The following MOG variants were observed in gnomAD, a reference collection of about 807,000 sequenced individuals.
MOG encodes myelin oligodendrocyte glycoprotein.
MOG carries 20 observed loss-of-function variants against 35.9 expected under a neutral mutation model. The ratio of observed to expected loss-of-function variants is 0.56; its 90% CI spans 0.39 to 0.81. The LOEUF is 0.81. Ranked by LOEUF, MOG falls within the 30% of genes least tolerant of loss-of-function variation. The pLI is 0.00. For synonymous variants in MOG, 92 were observed against 114.3 expected, an observed-to-expected ratio of 0.80 and a Z score of 1.25; for missense variants, 251 against 301.0, an observed-to-expected ratio of 0.83 and a Z score of 1.23.
At chr6:29,667,019 C>G (rs1338496494) in intron 3 of MOG, among the ~76,000 whole-genome samples, 1 of 152,234 alleles carries the variant, frequency 6.6e-6, no homozygotes, top group Non-Finnish European at 1.5e-5. Context: ...TGCTTGTTTA[C>G]TTCTTCCACA....
chr6:29,669,031 G>A (rs1481743984), intron 5 of MOG, among the ~76,000 whole-genome samples: 5 of 151,312 alleles, frequency 3.3e-5, no homozygotes, highest in East Asian at 1.9e-4. Flanking sequence ...GGGTTCAAGC[G>A]ATTCTCAGCC....
Position 29,670,625 on chromosome 6 carries a change from A to G in MOG, c.710-76A>G. On this transcript the variant is annotated intron_variant, in intron 6 of 7. Coordinates refer to ENST00000376917, the MANE Select transcript of MOG (RefSeq NM_206809.4). This position sits in a 1 kb window ranked among gnomAD's most constrained non-coding sequence, Gnocchi z 4.2. ...GGAAAGGGCAGTGTGGGTCACTCCAAATGTCCATAGGGAGGATGTGGGGAA... is the reference window on the plus strand; with the variant it reads ...GGAAAGGGCAGTGTGGGTCACTCCAGATGTCCATAGGGAGGATGTGGGGAA... 1.3e-6 allele frequency: 2 copies of G among 1,596,090 alleles called. No homozygotes were observed. The highest frequency in any genetic ancestry group is 1.7e-6 in the Non-Finnish European group (2 of 1,171,050).
At position 29,670,519 on chromosome 6, in the gene MOG, C is replaced by G; in HGVS notation, c.709+122C>G. The G allele has an allele frequency of 6.7e-7, 1 of 1,487,252 alleles. No individual in the cohort carries two copies. Among genetic ancestry groups the G allele is most frequent in the Non-Finnish European group, 9.3e-7 (1 of 1,070,752 alleles). 92.1% of individuals were successfully genotyped at this position (1,487,252 alleles called of 1,614,324 possible). On this transcript the variant is annotated intron_variant, in intron 6 of 7. Transcript: ENST00000376917. The surrounding 1 kb of genome is among the most constrained non-coding windows in gnomAD (Gnocchi z 4.2). ...TTAGGGGAGCTGGGATTTCCTTATTCCTCTGTCCCCATGCCCAACCCCAGG... is the reference window on the plus strand; with the variant it reads ...TTAGGGGAGCTGGGATTTCCTTATTGCTCTGTCCCCATGCCCAACCCCAGG...
At position 29,662,123 on chromosome 6, in the gene MOG, T is replaced by C; in HGVS notation, c.436+2457T>C. 1 of 985,130 alleles carries C rather than the reference T, an allele frequency of 1.0e-6. No homozygotes were observed. The highest frequency in any genetic ancestry group is 1.2e-6 in the Non-Finnish European group (1 of 829,628). 61.0% of individuals were successfully genotyped at this position (985,130 alleles called of 1,614,324 possible). On this transcript the variant is annotated intron_variant, in intron 2 of 7. Coordinates refer to ENST00000376917, the MANE Select transcript of MOG (RefSeq NM_206809.4). This position sits in a 1 kb window ranked among gnomAD's most constrained non-coding sequence, Gnocchi z 4.2. ...AATTTCTCTTGTTTACTTATTTTTT[T>C]CTTGTCATTTTTGTGATTTTATTAC...
chr6:29,670,569 A>G lies in MOG; in HGVS notation c.710-132A>G. The G allele has an allele frequency of 6.4e-7, 1 of 1,562,792 alleles. No individual in the cohort carries two copies. Among genetic ancestry groups the G allele is most frequent in the East Asian group, 2.3e-5 (1 of 44,212 alleles). Reference sequence around the variant, plus strand: ...GCTCTTCTGAGAAACTGTGAAGAGAACCACTTACTGGATCTGTGGGATCCC... The same window carrying G: ...GCTCTTCTGAGAAACTGTGAAGAGAGCCACTTACTGGATCTGTGGGATCCC... On this transcript the variant is annotated intron_variant, in intron 6 of 7. Coordinates refer to ENST00000376917, the MANE Select transcript of MOG (RefSeq NM_206809.4). This position sits in a 1 kb window ranked among gnomAD's most constrained non-coding sequence, Gnocchi z 4.2.
In MOG at chr6:29,670,873, G is replaced by A; in HGVS notation, c.730+152G>A. The A allele has an allele frequency of 6.3e-7, 1 of 1,585,452 alleles. No homozygotes were observed. The highest frequency in any genetic ancestry group is 8.6e-7 in the Non-Finnish European group (1 of 1,165,402). On this transcript the variant is annotated intron_variant, in intron 7 of 7. Transcript: ENST00000376917. The surrounding 1 kb of genome is among the most constrained non-coding windows in gnomAD (Gnocchi z 4.2). ...TGGGTGGAGGGAAGACTCCTCCTGG[G>A]AGGTAGAGGGCAAAGAAGCCAGCTG... is the stretch of plus-strand genomic sequence containing the variant.
At chr6:29,667,572 C>CA in intron 3 of MOG, 71 bp from the exon 4 acceptor site, 1 of 1,538,080 alleles carries the variant, frequency 6.5e-7, no homozygotes, top group Non-Finnish European at 9.0e-7. Context: ...GGCCCAGGCG[C>CA]TGGGTGTGGG....
At chr6:29,660,516 C>A (rs945125754) in intron 2 of MOG, among the ~76,000 whole-genome samples, 1 of 131,772 alleles carries the variant, frequency 7.6e-6, no homozygotes, top group African/African-American at 2.9e-5. Flanking sequence ...GGGGACACAG[C>A]GAGACTCCGT....
intron 1 of MOG, 49 bp from the exon 2 acceptor site, chr6:29,659,270 C>T (rs1323571057): frequency 6.3e-7 from 1 of 1,590,600 alleles, no homozygotes; most frequent in African/African-American, 1.3e-5. Context: ...GGCTTGCTTG[C>T]CAAGGTTCCC....
chr6:29,672,170 A>G lies in MOG; in HGVS notation c.*985A>G, dbSNP rs917694487. On this transcript the variant is annotated 3_prime_UTR_variant, in exon 8 of 8. Transcript: ENST00000376917. ...GAGCATAGTGGTGGGCACCTATAAT[A>G]CCAGCTACTCCGGAGGCTGAGGCAG... is the stretch of plus-strand genomic sequence containing the variant. The G allele has an allele frequency of 6.5e-6, 1 of 154,462 alleles. No individual in the cohort carries two copies. Among genetic ancestry groups the G allele is most frequent in the Non-Finnish European group, 1.4e-5 (1 of 70,128 alleles). 9.6% of individuals were successfully genotyped at this position (154,462 alleles called of 1,614,324 possible). A position where few individuals can be genotyped will look rare whatever the true frequency, so the allele number is the denominator to read the frequency against.
intron 2 of MOG, among the ~76,000 whole-genome samples, chr6:29,663,636 C>T (rs920759507): frequency 2.6e-5 from 4 of 152,156 alleles, no homozygotes; most frequent in African/African-American, 9.7e-5. Context: ...TATAGTTCAT[C>T]AGTGATACTC....
intron 2 of MOG, among the ~76,000 whole-genome samples, chr6:29,664,420 C>T (rs185742249): frequency 6.5e-4 from 98 of 151,936 alleles, no homozygotes; most frequent in Non-Finnish European, 9.9e-4. Flanking sequence ...TTGGCCAAGC[C>T]GGTCTCGAAC....
rs1269806476 is a variant in MOG, at chr6:29,670,596, C to T, written c.710-105C>T. The T allele has an allele frequency of 6.3e-7, 1 of 1,582,690 alleles. No homozygotes were observed. The highest frequency in any genetic ancestry group is 8.6e-7 in the Non-Finnish European group (1 of 1,163,146). On this transcript the variant is annotated intron_variant, in intron 6 of 7. Coordinates refer to ENST00000376917, the MANE Select transcript of MOG (RefSeq NM_206809.4). The surrounding 1 kb of genome is among the most constrained non-coding windows in gnomAD (Gnocchi z 4.2). ...CACTTACTGGATCTGTGGGATCCCC[C>T]AGTGGAAAGGGCAGTGTGGGTCACT...
At chr6:29,661,816 CAAAAAAAAA>C in intron 2 of MOG, 1 of 872,100 alleles carries the variant, frequency 1.1e-6, no homozygotes, top group Non-Finnish European at 1.3e-6. Context: ...AACTCCATCT[CAAAAAAAAA>C]AAAAAAAAAA....
In MOG at chr6:29,670,347, C is replaced by A. The variant is rs754311718; in HGVS notation, c.659C>A (p.Pro220His). Reference protein sequence around the residue: ...TLFVIVPVLGPLVALIICYNW... With the variant: ...TLFVIVPVLGHLVALIICYNW... The stretch of plus-strand genomic sequence containing the variant: ...TTTGTAATTGTGCCGGTTCTTGGAC[C>A]CTTGGTTGCCTTGATCATCTGCTAC... The change falls in exon 6 of 8, where the codon CCC becomes CAC. Residue 220 changes from proline (P) to histidine (H), a missense_variant. Coordinates refer to ENST00000376917, the MANE Select transcript of MOG (RefSeq NM_206809.4). The surrounding 1 kb of genome is among the most constrained non-coding windows in gnomAD (Gnocchi z 4.2). 2.5e-6 allele frequency: 4 copies of A among 1,614,164 alleles called. No homozygotes were observed. Among genetic ancestry groups the A allele is most frequent in the Non-Finnish European group, 3.4e-6 (4 of 1,180,034 alleles).
At chr6:29,659,841 T>G (rs971094758) in intron 2 of MOG, 175 bp downstream of exon 2, 4 of 652,112 alleles carry the variant, frequency 6.1e-6, no homozygotes, top group Non-Finnish European at 1.1e-5. Flanking sequence ...TGCATCATTA[T>G]TCAGAGTAGC....
intron 2 of MOG, among the ~76,000 whole-genome samples, chr6:29,665,800 G>A (rs62392950): frequency 0.055 from 7,559 of 137,224 alleles, 322 homozygotes; most frequent in East Asian, 0.17. Context: ...AATTATGCTT[G>A]TAGGCGATAC....
rs868049473 is a variant in MOG, at chr6:29,662,974, T to A, written c.437-3178T>A. On this transcript the variant is annotated intron_variant, in intron 2 of 7. Transcript: ENST00000376917. This position sits in a 1 kb window ranked among gnomAD's most constrained non-coding sequence, Gnocchi z 4.2. Reference sequence around the variant, plus strand: ...CACTGCACCCAGCGAAGAACACTTTTTAAAAAATAAATAGGCCGGGCGCGG... The same window carrying A: ...CACTGCACCCAGCGAAGAACACTTTATAAAAAATAAATAGGCCGGGCGCGG... Among the ~76,000 whole-genome samples, 5 of 152,016 alleles carry A rather than the reference T, an allele frequency of 3.3e-5. No homozygotes were observed. Among genetic ancestry groups the A allele is most frequent in the African/African-American group, 1.2e-4 (5 of 41,378 alleles).
chr6:29,660,639 A>C (rs1432525770), intron 2 of MOG, among the ~76,000 whole-genome samples: 4 of 150,084 alleles, frequency 2.7e-5, no homozygotes, highest in Admixed American at 2.7e-4. Flanking sequence ...TCTAAATATA[A>C]TTATAGAAAG....
Sources: allele counts gnomAD v4.1 joint callset (sites outside exome capture counted in the v4.1 genomes callset), GRCh38; gene constraint gnomAD v4.1.1; non-coding constraint Gnocchi (gnomAD v3.1); transcripts MANE v1.5; gene names NCBI Gene and HGNC (gene_info 2026-07-23, HGNC 2026-07-21).